The following RFX3 variants were observed in gnomAD, a reference collection of about 807,000 sequenced individuals.
The protein encoded by RFX3 is transcription factor RFX3.
Under a neutral mutation model 98.6 loss-of-function variants are expected in RFX3, and 14 were observed. The ratio of observed to expected loss-of-function variants is 0.14; its 90% confidence interval spans 0.09 to 0.22. The LOEUF (loss-of-function observed/expected upper bound fraction) is 0.22. RFX3 is among the 10% of genes least tolerant of loss of function. The probability of loss-of-function intolerance (pLI) is 1.00; values close to 1 mark genes in which losing one functional copy is unlikely to be tolerated. For missense variants in RFX3, 639 were observed against 926.9 expected, an observed-to-expected ratio of 0.69 and a Z score of 4.03; for synonymous variants, 383 against 328.4, an observed-to-expected ratio of 1.17 and a Z score of -1.80.
chr9:3,408,771 A>C (rs149586708), intron 1 of RFX3, among the ~76,000 whole-genome samples: 2 of 152,310 alleles, frequency 1.3e-5, no homozygotes, highest in Admixed American at 6.5e-5. Context: ...AACTTGGCTT[A>C]TAGGGTGTGA....
At chr9:3,369,112 T>C (rs545301520) in intron 2 of RFX3, among the ~76,000 whole-genome samples, 37 of 152,266 alleles carry the variant, frequency 2.4e-4, no homozygotes, top group South Asian at 1.7e-3. Flanking sequence ...GAGAAAAAGA[T>C]AGGAAGACAG....
chr9:3,470,823 G>A (rs891861960), intron 1 of RFX3, among the ~76,000 whole-genome samples: 19 of 152,174 alleles, frequency 1.2e-4, no homozygotes, highest in African/African-American at 4.3e-4. Context: ...GGTGATCCTT[G>A]TCTTTAAATG....
At position 3,262,953 on chromosome 9, in the gene RFX3, G is replaced by A. The variant is rs150083559; in HGVS notation, c.1587C>T (p.Val529=). The A allele has an allele frequency of 3.3e-4, 525 of 1,613,512 alleles. No homozygotes were observed. Among genetic ancestry groups the A allele is most frequent in the Non-Finnish European group, 4.3e-4 (505 of 1,179,696 alleles). Residue 529 remains valine, a synonymous_variant, in exon 13 of 17, where the codon GTC becomes GTT. Transcript: ENST00000617270. ...INQMLSDLNR[V]DFANVQEQAS... is the part of the protein sequence containing the mutation. ...AGAATACCTGGACATTGGCAAAGTCGACACGGTTGAGGTCACTAAGCATCT... is the reference window on the plus strand; with the variant it reads ...AGAATACCTGGACATTGGCAAAGTCAACACGGTTGAGGTCACTAAGCATCT...
chr9:3,304,518 T>C lies in RFX3; in HGVS notation c.475-2898A>G, dbSNP rs10124953. 1.0e-3 allele frequency among the ~76,000 whole-genome samples: 158 copies of C among 152,082 alleles called. 1 individual carries two copies. The highest frequency in any genetic ancestry group is 3.6e-3 in the African/African-American group (149 of 41,506). ...TGTCTCTGTCCCCACCCAAATCTCA[T>C]CTTGAATTGTAGCTCCCACAATTCT... On this transcript the variant is annotated intron_variant, in intron 4 of 16. Transcript: ENST00000617270.
At chr9:3,239,298 T>A (rs1819600735) in intron 15 of RFX3, among the ~76,000 whole-genome samples, 1 of 152,234 alleles carries the variant, frequency 6.6e-6, no homozygotes. Flanking sequence ...TGTTCCTTGG[T>A]TACTTTTCTT....
intron 1 of RFX3, among the ~76,000 whole-genome samples, chr9:3,434,775 C>G (rs933946043): frequency 8.6e-5 from 13 of 152,040 alleles, no homozygotes; most frequent in Admixed American, 5.9e-4. Flanking sequence ...CAATTACAGT[C>G]ATGCATTGCT....
chr9:3,462,391 T>C (rs967177291), intron 1 of RFX3, among the ~76,000 whole-genome samples: 9 of 151,992 alleles, frequency 5.9e-5, no homozygotes, highest in African/African-American at 2.2e-4. Context: ...TTGAAGAGAA[T>C]TTCCTCAGCC....
At chr9:3,477,595 T>G (rs915833829) in intron 1 of RFX3, among the ~76,000 whole-genome samples, 2 of 152,212 alleles carry the variant, frequency 1.3e-5, no homozygotes, top group Non-Finnish European at 2.9e-5. Context: ...TTCAAGATTT[T>G]TCTTTAAATT....
chr9:3,449,955 A>G (rs950787789), intron 1 of RFX3, among the ~76,000 whole-genome samples: 3 of 151,938 alleles, frequency 2.0e-5, no homozygotes, highest in Admixed American at 6.6e-5. Context: ...ATCGTAGCCC[A>G]GGATAAAAAC....
intron 1 of RFX3, among the ~76,000 whole-genome samples, chr9:3,437,309 C>T (rs1845219715): frequency 6.6e-6 from 1 of 152,028 alleles, no homozygotes; most frequent in Non-Finnish European, 1.5e-5. Flanking sequence ...CGTCAGCTTA[C>T]AAATCATCAG....
chr9:3,336,585 T>C (rs1833207168), intron 3 of RFX3, among the ~76,000 whole-genome samples: 1 of 152,022 alleles, frequency 6.6e-6, no homozygotes, highest in South Asian at 2.1e-4. Context: ...CAAAAACTCA[T>C]AACATAGCAC....
chr9:3,390,448 A>T (rs1840189198), intron 2 of RFX3, among the ~76,000 whole-genome samples: 1 of 152,174 alleles, frequency 6.6e-6, no homozygotes, highest in Non-Finnish European at 1.5e-5. Flanking sequence ...TGATAATGAT[A>T]CGGACTATGA....
At chr9:3,494,135 T>A (rs986129369) in intron 1 of RFX3, among the ~76,000 whole-genome samples, 4 of 152,178 alleles carry the variant, frequency 2.6e-5, no homozygotes, top group African/African-American at 9.7e-5. Flanking sequence ...GGAATTAATC[T>A]TGTTAGAAGA....
intron 1 of RFX3, among the ~76,000 whole-genome samples, chr9:3,507,841 C>T (rs1467103223): frequency 6.6e-6 from 1 of 151,800 alleles, no homozygotes; most frequent in Non-Finnish European, 1.5e-5. Context: ...TTCCCATCCT[C>T]AGCTGGTTGA....
rs1283084665 is a variant in RFX3, at chr9:3,283,076, A to C, written c.851+5055T>G. 2.0e-5 allele frequency among the ~76,000 whole-genome samples: 3 copies of C among 151,752 alleles called. No homozygotes were observed. In the Admixed American group the frequency reaches 2.0e-4, roughly 10 times the overall value. Reference sequence around the variant, plus strand: ...GATTATTTATGTTTCTCCTCTCTTCAATAGAAAAGATTATCATTACATCAC... The same window carrying C: ...GATTATTTATGTTTCTCCTCTCTTCCATAGAAAAGATTATCATTACATCAC... On this transcript the variant is annotated intron_variant, in intron 7 of 16. Coordinates refer to ENST00000617270, the MANE Select transcript of RFX3 (RefSeq NM_001282116.2).
chr9:3,336,968 C>T (rs2920378), intron 3 of RFX3, among the ~76,000 whole-genome samples: 47,648 of 151,988 alleles, frequency 0.31, 11,182 homozygotes, highest in African/African-American at 0.67. Flanking sequence ...ATGAAATGTA[C>T]GCCTAATTTT....
chr9:3,468,170 T>C (rs536222877), intron 1 of RFX3, among the ~76,000 whole-genome samples: 2 of 152,308 alleles, frequency 1.3e-5, no homozygotes, highest in South Asian at 2.1e-4. Context: ...AATAGATGTA[T>C]TACTCGGCTT....
intron 5 of RFX3, among the ~76,000 whole-genome samples, chr9:3,298,270 G>C (rs1828237055): frequency 6.6e-6 from 1 of 151,802 alleles, no homozygotes; most frequent in Non-Finnish European, 1.5e-5. Flanking sequence ...TGCATATAGA[G>C]AAATAATTGA....
At chr9:3,262,026 T>A (rs2131202913) in intron 13 of RFX3, among the ~76,000 whole-genome samples, 1 of 152,316 alleles carries the variant, frequency 6.6e-6, no homozygotes, top group East Asian at 1.9e-4. Flanking sequence ...TGGTTCTTTA[T>A]ATATTCTATA....
Sources: allele counts gnomAD v4.1 joint callset (sites outside exome capture counted in the v4.1 genomes callset), GRCh38; gene constraint gnomAD v4.1.1; transcripts MANE v1.5; gene names NCBI Gene and HGNC (gene_info 2026-07-23, HGNC 2026-07-21).